The following TRAPPC9 variants were observed in gnomAD, a reference collection of about 807,000 sequenced individuals.
TRAPPC9 encodes IKK2 binding protein.
Under a neutral mutation model 124.0 loss-of-function variants are expected in TRAPPC9, and 83 were observed. That is an observed-to-expected ratio of 0.67 (90% CI 0.56 to 0.80). TRAPPC9 has a LOEUF of 0.80. TRAPPC9 is among the 30% of genes least tolerant of loss of function. TRAPPC9 has a pLI of 0.00. For synonymous variants in TRAPPC9, 638 were observed against 617.5 expected, an observed-to-expected ratio of 1.03 and a Z score of -0.49; for missense variants, 1,302 against 1,508.3, an observed-to-expected ratio of 0.86 and a Z score of 2.27.
intron 7 of TRAPPC9, among the ~76,000 whole-genome samples, chr8:140,374,339 G>C (rs567503525): frequency 5.9e-5 from 9 of 152,346 alleles, no homozygotes; most frequent in Admixed American, 5.2e-4. Flanking sequence ...GGAGGCCGAG[G>C]CAGGCAGATC....
intron 21 of TRAPPC9, among the ~76,000 whole-genome samples, chr8:139,862,633 G>A (rs770893363): frequency 6.6e-5 from 10 of 152,202 alleles, no homozygotes; most frequent in African/African-American, 2.4e-4. Context: ...ACTGACCTAC[G>A]TGTGCTACCA....
intron 2 of TRAPPC9, among the ~76,000 whole-genome samples, chr8:140,441,032 C>G (rs2070998662): frequency 7.0e-6 from 1 of 142,294 alleles, no homozygotes; most frequent in Non-Finnish European, 1.5e-5. Context: ...AGGCTGGAGC[C>G]CAGTGGCACA....
chr8:140,182,465 C>T lies in TRAPPC9; in HGVS notation c.2556+38994G>A, dbSNP rs1226182069. Among the ~76,000 whole-genome samples the T allele has an allele frequency of 6.6e-6, 1 of 152,144 alleles. No homozygotes were observed. Among genetic ancestry groups the T allele is most frequent in the African/African-American group, 2.4e-5 (1 of 41,418 alleles). On this transcript the variant is annotated intron_variant, in intron 17 of 22. Transcript: ENST00000438773. This position sits in a 1 kb window ranked among gnomAD's most constrained non-coding sequence, Gnocchi z 4.0. ...ATTCGATAGACAGAAAACAGCTTCACTACTGATACATTAGTGTCTGCTAAT... is the reference window on the plus strand; with the variant it reads ...ATTCGATAGACAGAAAACAGCTTCATTACTGATACATTAGTGTCTGCTAAT...
intron 21 of TRAPPC9, among the ~76,000 whole-genome samples, chr8:139,871,618 GAA>G (rs1828905856): frequency 6.6e-6 from 1 of 152,220 alleles, no homozygotes; most frequent in African/African-American, 2.4e-5. Context: ...GACGACTGCA[GAA>G]ATTACCCTTC....
intron 16 of TRAPPC9, among the ~76,000 whole-genome samples, chr8:140,234,844 C>T (rs1188859147): frequency 6.6e-6 from 1 of 152,166 alleles, no homozygotes; most frequent in East Asian, 1.9e-4. Flanking sequence ...AAAACTAAAA[C>T]AATACATTCT....
chr8:139,918,076 G>A (rs1832264510), intron 19 of TRAPPC9, among the ~76,000 whole-genome samples: 1 of 152,216 alleles, frequency 6.6e-6, no homozygotes, highest in Admixed American at 6.5e-5. Context: ...GTGCAAGCAT[G>A]AGACAGAGCC....
intron 15 of TRAPPC9, among the ~76,000 whole-genome samples, chr8:140,274,802 G>A (rs1659363651): frequency 6.6e-6 from 1 of 152,246 alleles, no homozygotes; most frequent in East Asian, 1.9e-4. Context: ...GAAGTAACAT[G>A]TGATTAGTAC....
intron 1 of TRAPPC9, among the ~76,000 whole-genome samples, chr8:140,454,866 G>A (rs1001638430): frequency 2.6e-5 from 4 of 150,988 alleles, no homozygotes; most frequent in African/African-American, 9.8e-5. Flanking sequence ...TTGAACCCAG[G>A]GAGGAGGAGG....
chr8:140,084,552 A>G (rs1844061169), intron 17 of TRAPPC9, among the ~76,000 whole-genome samples: 1 of 152,240 alleles, frequency 6.6e-6, no homozygotes, highest in South Asian at 2.1e-4. Flanking sequence ...CTAAAAGGCC[A>G]GCATGGAAAT....
chr8:139,906,350 G>A (rs977494493), intron 20 of TRAPPC9, among the ~76,000 whole-genome samples: 1 of 152,082 alleles, frequency 6.6e-6, no homozygotes, highest in Non-Finnish European at 1.5e-5. Flanking sequence ...TGTGATAAAC[G>A]TGCCCCATCT....
At chr8:139,785,565 C>CAT (rs1390660838) in intron 21 of TRAPPC9, among the ~76,000 whole-genome samples, 1 of 151,468 alleles carries the variant, frequency 6.6e-6, no homozygotes, top group Non-Finnish European at 1.5e-5. Flanking sequence ...CACACACACA[C>CAT]ACACACACAC....
chr8:139,964,532 C>T (rs1835571566), intron 19 of TRAPPC9, among the ~76,000 whole-genome samples: 1 of 152,166 alleles, frequency 6.6e-6, no homozygotes, highest in Admixed American at 6.5e-5. Context: ...CACTCTGAGC[C>T]TCAGGATCCT....
intron 19 of TRAPPC9, among the ~76,000 whole-genome samples, chr8:139,964,224 C>CAAAAAAAAAAAAAA (rs1008397834): frequency 1.5e-5 from 1 of 67,670 alleles, no homozygotes; most frequent in Non-Finnish European, 2.9e-5. Flanking sequence ...GACTCTGTCT[C>CAAAAAAAAAAAAAA]AAAAAAAAAA....
chr8:139,813,445 C>T (rs1003326239), intron 21 of TRAPPC9, among the ~76,000 whole-genome samples: 1 of 152,230 alleles, frequency 6.6e-6, no homozygotes, highest in Non-Finnish European at 1.5e-5. Context: ...CTTCTGGAAC[C>T]GTCCTCTAGA....
chr8:140,091,176 G>A (rs1482225673), intron 17 of TRAPPC9, among the ~76,000 whole-genome samples: 1 of 152,056 alleles, frequency 6.6e-6, no homozygotes, highest in Non-Finnish European at 1.5e-5. Flanking sequence ...ACTCGGAGGT[G>A]GCAGCCTGGC....
intron 9 of TRAPPC9, among the ~76,000 whole-genome samples, chr8:140,342,469 T>C (rs2067221970): frequency 6.6e-6 from 1 of 152,222 alleles, no homozygotes. Context: ...CTCTTCAACA[T>C]ACAACTAAAA....
At chr8:140,256,823 G>T (rs2064275409) in intron 15 of TRAPPC9, among the ~76,000 whole-genome samples, 1 of 152,116 alleles carries the variant, frequency 6.6e-6, no homozygotes, top group African/African-American at 2.4e-5. Flanking sequence ...ACTTTCTAGG[G>T]CTGCTGTGAG....
intron 21 of TRAPPC9, among the ~76,000 whole-genome samples, chr8:139,848,716 T>TA (rs1827261820): frequency 1.3e-5 from 2 of 152,120 alleles, no homozygotes; most frequent in Admixed American, 1.3e-4. Flanking sequence ...TTACAGTGTT[T>TA]AAAAAGAAAG....
chr8:140,185,955 CA>C (rs2062346409), intron 17 of TRAPPC9, among the ~76,000 whole-genome samples: 1 of 152,236 alleles, frequency 6.6e-6, no homozygotes, highest in African/African-American at 2.4e-5. Context: ...AATTAGCCAA[CA>C]AAAAAGTCAA....
Sources: gnomAD v4.1 joint callset for allele counts (sites outside exome capture counted in the v4.1 genomes callset) on GRCh38, gnomAD v4.1.1 for gene constraint, Gnocchi (gnomAD v3.1) non-coding constraint, MANE v1.5 for transcripts, NCBI Gene and HGNC (gene_info 2026-07-23, HGNC 2026-07-21) for gene names.